Variants in MACROH2A2 observed in about 807,000 individuals in gnomAD.
The protein encoded by MACROH2A2 is macroH2A.2 histone.
Under a neutral mutation model 37.6 loss-of-function variants are expected in MACROH2A2, and 6 were observed. The ratio of observed to expected loss-of-function variants is 0.16; its 90% confidence interval spans 0.09 to 0.32. The LOEUF (loss-of-function observed/expected upper bound fraction) is 0.32. Among genes scored for constraint, MACROH2A2 ranks in the 10% least tolerant of loss-of-function variants. The pLI, the probability that MACROH2A2 is intolerant of heterozygous loss-of-function variation, is 1.00. For missense variants in MACROH2A2, 290 were observed against 485.9 expected (o/e 0.60, Z 3.79); for synonymous variants, 192 against 202.7 (o/e 0.95, Z 0.45).
intron 2 of MACROH2A2, among the ~76,000 whole-genome samples, chr10:70,076,999 T>G (rs1360856714): frequency 1.4e-5 from 1 of 73,620 alleles, no homozygotes; most frequent in African/African-American, 6.2e-5. Flanking sequence ...TCATGAGCCT[T>G]CCTTCCTCTT....
chr10:70,095,819 A>G lies in MACROH2A2; in HGVS notation c.688+66A>G, dbSNP rs2072273039. 4 of 781,456 alleles carry G rather than the reference A, an allele frequency of 5.1e-6. No homozygotes were observed. In the Admixed American group the frequency reaches 5.7e-5, roughly 11 times the overall value. 48.4% of individuals were successfully genotyped at this position (781,456 alleles called of 1,614,324 possible). A position where few individuals can be genotyped will look rare whatever the true frequency, so the allele number is the denominator to read the frequency against. ...CCACTGTTCAGGCAAGTTCTTGTGA[A>G]GCTGATCATTGTCAACTGGCTGTCC... is the stretch of plus-strand genomic sequence containing the variant. On this transcript the variant is annotated intron_variant, in intron 6 of 8. Coordinates refer to ENST00000373255, the MANE Select transcript of MACROH2A2 (RefSeq NM_018649.3).
chr10:70,100,166 G>A, intron 6 of MACROH2A2, 42 bp from the exon 7 acceptor site: 1 of 1,066,042 alleles, frequency 9.4e-7, no homozygotes, highest in Non-Finnish European at 1.4e-6. Flanking sequence ...TAATTAGATT[G>A]AAAGAACAAC....
At chr10:70,102,112 C>T (rs1291456627) in intron 7 of MACROH2A2, among the ~76,000 whole-genome samples, 1 of 152,202 alleles carries the variant, frequency 6.6e-6, no homozygotes, top group Non-Finnish European at 1.5e-5. Flanking sequence ...TAAAACCCAC[C>T]GCTGCCCTCA....
chr10:70,055,621 G>T (rs1426197821), intron 1 of MACROH2A2, among the ~76,000 whole-genome samples: 2 of 152,278 alleles, frequency 1.3e-5, no homozygotes, highest in African/African-American at 2.4e-5. Context: ...AAATATACAT[G>T]CAGGTAAAAC....
At chr10:70,104,578 G>A (rs2072325853) in intron 7 of MACROH2A2, among the ~76,000 whole-genome samples, 1 of 152,184 alleles carries the variant, frequency 6.6e-6, no homozygotes, top group Non-Finnish European at 1.5e-5. Context: ...GGGAGGCTGA[G>A]GCAGGAGAAT....
intron 3 of MACROH2A2, among the ~76,000 whole-genome samples, chr10:70,091,210 T>C (rs1205147205): frequency 6.6e-6 from 1 of 152,254 alleles, no homozygotes; most frequent in Non-Finnish European, 1.5e-5. Flanking sequence ...TGGTTTCAAC[T>C]TCTGTGTCCC....
chr10:70,078,601 G>T (rs190506543), intron 2 of MACROH2A2, among the ~76,000 whole-genome samples: 12 of 152,334 alleles, frequency 7.9e-5, no homozygotes, highest in Admixed American at 2.6e-4. Context: ...CTCATTCAAT[G>T]AGCTAATATG....
chr10:70,110,611 C>T (rs975821507), intron 8 of MACROH2A2, among the ~76,000 whole-genome samples: 1 of 152,088 alleles, frequency 6.6e-6, no homozygotes, highest in African/African-American at 2.4e-5. Flanking sequence ...GGAGCTGGCA[C>T]GGTGGCTCAC....
intron 8 of MACROH2A2, among the ~76,000 whole-genome samples, chr10:70,110,853 A>G (rs778966107): frequency 6.6e-6 from 1 of 152,178 alleles, no homozygotes; most frequent in Non-Finnish European, 1.5e-5. Flanking sequence ...ACACCACTGC[A>G]CTCTAGCCTG....
chr10:70,095,591 A>ATATGAGAT, intron 5 of MACROH2A2, 63 bp from the exon 6 acceptor site: 1 of 823,046 alleles, frequency 1.2e-6, no homozygotes, highest in South Asian at 1.4e-5. Context: ...TGCAAGTAAA[A>ATATGAGAT]TATGAGATTT....
chr10:70,085,967 A>G (rs2072208274), intron 2 of MACROH2A2, among the ~76,000 whole-genome samples: 1 of 152,072 alleles, frequency 6.6e-6, no homozygotes, highest in South Asian at 2.1e-4. Context: ...ACTATTAATG[A>G]TGATTAATGT....
At chr10:70,081,192 T>C (rs1353486917) in intron 2 of MACROH2A2, among the ~76,000 whole-genome samples, 3 of 152,024 alleles carry the variant, frequency 2.0e-5, no homozygotes, top group South Asian at 4.1e-4. Flanking sequence ...CTCAGGATCA[T>C]TGCTTTACCA....
chr10:70,069,967 G>A (rs940173021), intron 1 of MACROH2A2, among the ~76,000 whole-genome samples: 1 of 152,176 alleles, frequency 6.6e-6, no homozygotes, highest in African/African-American at 2.4e-5. Flanking sequence ...TAGAAAGCAG[G>A]GTCTTCTCTG....
intron 1 of MACROH2A2, among the ~76,000 whole-genome samples, chr10:70,068,383 T>C (rs1032599234): frequency 1.3e-5 from 2 of 152,212 alleles, no homozygotes; most frequent in East Asian, 3.8e-4. Flanking sequence ...ACTTAATAAG[T>C]ATTCATGTTC....
intron 1 of MACROH2A2, among the ~76,000 whole-genome samples, chr10:70,074,982 A>G (rs2072132078): frequency 6.6e-6 from 1 of 152,210 alleles, no homozygotes. Flanking sequence ...TAGTGTTTAA[A>G]ACAATACAAA....
At chr10:70,061,451 G>C (rs116561384) in intron 1 of MACROH2A2, among the ~76,000 whole-genome samples, 1 of 152,248 alleles carries the variant, frequency 6.6e-6, no homozygotes, top group South Asian at 2.1e-4. Context: ...CAATAATAAA[G>C]AAACAAGCTA....
intron 1 of MACROH2A2, among the ~76,000 whole-genome samples, chr10:70,063,220 G>A (rs1050699983): frequency 1.4e-4 from 21 of 152,078 alleles, no homozygotes; most frequent in South Asian, 2.1e-4. Context: ...TAAAGAAACC[G>A]GACTATTTTG....
intron 6 of MACROH2A2, among the ~76,000 whole-genome samples, chr10:70,097,148 G>A (rs1279864615): frequency 1.3e-5 from 2 of 152,150 alleles, no homozygotes; most frequent in South Asian, 2.1e-4. Flanking sequence ...AAGGCCAACC[G>A]CTTCAGGGTC....
At chr10:70,111,442 A>G (rs1175328956) in intron 8 of MACROH2A2, 76 bp from the exon 9 acceptor site, 9 of 1,349,454 alleles carry the variant, frequency 6.7e-6, no homozygotes, top group Non-Finnish European at 9.3e-6. Flanking sequence ...CCCACCCAGT[A>G]AAAACAAAGG....
Sources: allele counts gnomAD v4.1 joint callset (sites outside exome capture counted in the v4.1 genomes callset), GRCh38; gene constraint gnomAD v4.1.1; transcripts MANE v1.5; gene names NCBI Gene and HGNC (gene_info 2026-07-23, HGNC 2026-07-21).